Variants in C12orf56 observed in about 807,000 individuals in gnomAD.
C12orf56 encodes the protein chromosome 12 open reading frame 56, also known as uncharacterized protein C12orf56.
In C12orf56, 71 loss-of-function variants were observed where a neutral mutation model predicts 69.9. The ratio of observed to expected loss-of-function variants is 1.02; its 90% CI spans 0.84 to 1.24. The LOEUF is 1.24. C12orf56 is among the 50% of genes most tolerant of loss of function. C12orf56 has a pLI of 0.00. For synonymous variants in C12orf56, 276 were observed against 274.1 expected (o/e 1.01, Z -0.07); for missense variants, 732 against 738.5 (o/e 0.99, Z 0.10).
At chr12:64,386,554 G>C (rs569683053) in intron 1 of C12orf56, among the ~76,000 whole-genome samples, 1 of 151,914 alleles carries the variant, frequency 6.6e-6, no homozygotes, top group East Asian at 1.9e-4. Flanking sequence ...GTGCCACCAC[G>C]CTTGGCTGAT....
In C12orf56 at chr12:64,336,236, C is replaced by T. The variant is rs185338683; in HGVS notation, c.416-5204G>A. On this transcript the variant is annotated intron_variant, in intron 2 of 12. Coordinates refer to ENST00000543942, the MANE Select transcript of C12orf56 (RefSeq NM_001170633.2). ...TAGCTGGGGCTCCTTGTGACAGTGG[C>T]AGTTTTGTGTTGTCAAAAGCCTCCA... is the stretch of plus-strand genomic sequence containing the variant. Among the ~76,000 whole-genome samples the T allele has an allele frequency of 8.0e-4, 121 of 152,180 alleles. 1 individual carries two copies. In the South Asian group the frequency reaches 0.018, roughly 23 times the overall value.
intron 8 of C12orf56, among the ~76,000 whole-genome samples, chr12:64,281,900 AT>A: frequency 6.6e-6 from 1 of 152,214 alleles, no homozygotes; most frequent in South Asian, 2.1e-4. Context: ...ACTAAGGATG[AT>A]TTTTTTCAAC....
At chr12:64,350,349 C>G (rs1463902230) in intron 2 of C12orf56, among the ~76,000 whole-genome samples, 3 of 152,082 alleles carry the variant, frequency 2.0e-5, no homozygotes, top group African/African-American at 7.2e-5. Flanking sequence ...AAATGAAATT[C>G]AAGTTTGAAT....
At chr12:64,319,135 T>C (rs1458669842) in intron 3 of C12orf56, 155 bp from the exon 4 acceptor site, 2 of 648,476 alleles carry the variant, frequency 3.1e-6, no homozygotes, top group Non-Finnish European at 4.9e-6. Context: ...TAATAACCCA[T>C]TGACTAGAGG....
intron 1 of C12orf56, among the ~76,000 whole-genome samples, chr12:64,368,538 T>G (rs1383889570): frequency 6.6e-6 from 1 of 152,054 alleles, no homozygotes; most frequent in East Asian, 1.9e-4. Context: ...AGGTCAGGAT[T>G]AAAATCACTT....
chr12:64,361,048 G>C (rs2039393534), intron 1 of C12orf56, among the ~76,000 whole-genome samples: 1 of 151,926 alleles, frequency 6.6e-6, no homozygotes, highest in Non-Finnish European at 1.5e-5. Context: ...GGTGAAACTG[G>C]TCTCTACTAA....
intron 1 of C12orf56, among the ~76,000 whole-genome samples, chr12:64,360,044 A>C (rs974483735): frequency 1.2e-4 from 18 of 152,186 alleles, no homozygotes; most frequent in African/African-American, 3.6e-4. Context: ...GACAAAGCTG[A>C]ATTCAATCCC....
intron 2 of C12orf56, among the ~76,000 whole-genome samples, chr12:64,341,231 G>C (rs1224747460): frequency 6.6e-6 from 1 of 152,142 alleles, no homozygotes; most frequent in African/African-American, 2.4e-5. Flanking sequence ...AGAATGTAAT[G>C]TCATGGGAAC....
chr12:64,305,816 C>T (rs1592436635), intron 5 of C12orf56, among the ~76,000 whole-genome samples: 1 of 152,202 alleles, frequency 6.6e-6, no homozygotes. Context: ...CACCATATTT[C>T]ATTTAAAAAG....
At chr12:64,332,259 T>A (rs1447223346) in intron 2 of C12orf56, among the ~76,000 whole-genome samples, 12 of 130,724 alleles carry the variant, frequency 9.2e-5, no homozygotes, top group Non-Finnish European at 1.8e-4. Flanking sequence ...CCCAAGATTG[T>A]ACCACTGCAC....
intron 2 of C12orf56, among the ~76,000 whole-genome samples, chr12:64,341,789 C>T (rs759839037): frequency 7.9e-5 from 12 of 152,124 alleles, no homozygotes; most frequent in East Asian, 1.9e-4. Context: ...CTGATCACCC[C>T]GAGGAATGGT....
intron 1 of C12orf56, among the ~76,000 whole-genome samples, chr12:64,385,740 T>G (rs2039779787): frequency 6.6e-6 from 1 of 152,088 alleles, no homozygotes; most frequent in Non-Finnish European, 1.5e-5. Flanking sequence ...AAGTTGTCCT[T>G]AAAAACTCTG....
chr12:64,276,993 T>TAAAAAA lies in C12orf56; in HGVS notation c.1434+681_1434+686dup, dbSNP rs200351319. Among the ~76,000 whole-genome samples the TAAAAAA allele has an allele frequency of 5.6e-4, 39 of 69,216 alleles. 3 individuals are homozygous for TAAAAAA. Among genetic ancestry groups the TAAAAAA allele is most frequent in the African/African-American group, 1.7e-3 (30 of 17,390 alleles). 45.4% of individuals were successfully genotyped at this position (69,216 alleles called of 152,430 possible). On this transcript the variant is annotated intron_variant, in intron 9 of 12. Coordinates refer to ENST00000543942, the MANE Select transcript of C12orf56 (RefSeq NM_001170633.2). ...TGGGCAACAGAGTGAAACCCTTTCT[T>TAAAAAA]AAAAAAAAAAAAAAAAAAAAAAATT...
rs567558075 is a variant in C12orf56 at position 64,294,848 on chromosome 12, T to A, written c.1113+8787A>T. Among the ~76,000 whole-genome samples the A allele has an allele frequency of 4.6e-5, 7 of 152,050 alleles. No homozygotes were observed. In the East Asian group the frequency reaches 1.4e-3, roughly 29 times the overall value. The stretch of plus-strand genomic sequence containing the variant: ...GATTAAGGAAGTAAATTTTGTGTTA[T>A]GTATATTTTGCCACAATTTTTAAAA... On this transcript the variant is annotated intron_variant, in intron 6 of 12. Transcript: ENST00000543942.
intron 8 of C12orf56, among the ~76,000 whole-genome samples, chr12:64,281,817 CAATT>C (rs2038132698): frequency 1.3e-5 from 2 of 152,070 alleles, no homozygotes; most frequent in South Asian, 4.2e-4. Context: ...TAAAACAAAA[CAATT>C]AAAGGCAACG....
intron 1 of C12orf56, among the ~76,000 whole-genome samples, chr12:64,366,145 A>G (rs1186326138): frequency 7.8e-6 from 1 of 127,686 alleles, no homozygotes; most frequent in Non-Finnish European, 1.5e-5. Context: ...TTTATATATT[A>G]TGTATAATAT....
intron 12 of C12orf56, chr12:64,267,607 G>T: frequency 3.8e-6 from 1 of 265,178 alleles, no homozygotes; most frequent in Non-Finnish European, 7.1e-6. Flanking sequence ...TGAAATGAAA[G>T]GGTCAAGCTG....
rs191400664 is a variant in C12orf56 at position 64,357,116 on chromosome 12, A to C, written c.253-4060T>G. 1.1e-3 allele frequency among the ~76,000 whole-genome samples: 162 copies of C among 151,704 alleles called. 2 individuals carry two copies. The East Asian group carries it at 0.024, about 23-fold the overall frequency. On this transcript the variant is annotated intron_variant, in intron 1 of 12. Coordinates refer to ENST00000543942, the MANE Select transcript of C12orf56 (RefSeq NM_001170633.2). ...TTATCAGCAGGCTCCTAAAAAAAAA[A>C]ACACACAAAAATGTGGTCTTTCAAC...
chr12:64,367,391 A>G (rs1163633904), intron 1 of C12orf56, among the ~76,000 whole-genome samples: 3 of 147,370 alleles, frequency 2.0e-5, no homozygotes, highest in Non-Finnish European at 4.5e-5. Context: ...ATACAAATAT[A>G]AAGAAACTAA....
Sources: gnomAD v4.1 joint callset for allele counts (sites outside exome capture counted in the v4.1 genomes callset) on GRCh38, gnomAD v4.1.1 for gene constraint, MANE v1.5 for transcripts, NCBI Gene and HGNC (gene_info 2026-07-23, HGNC 2026-07-21) for gene names.